Variants in L3MBTL4 observed in about 807,000 individuals in gnomAD.
The protein encoded by L3MBTL4 is L3MBTL histone methyl-lysine binding protein 4, also known as lethal(3)malignant brain tumor-like protein 4.
A neutral mutation model predicts 84.5 loss-of-function variants in L3MBTL4; 70 were observed. That is an observed-to-expected ratio of 0.83 (90% CI 0.68 to 1.01). L3MBTL4 has a LOEUF of 1.01. Among genes scored for constraint, L3MBTL4 ranks in the 50% least tolerant of loss-of-function variants. The pLI, the probability that L3MBTL4 is intolerant of heterozygous loss-of-function variation, is 0.00. For synonymous variants in L3MBTL4, 274 were observed against 259.8 expected, an observed-to-expected ratio of 1.05 and a Z score of -0.52; for missense variants, 715 against 754.8, an observed-to-expected ratio of 0.95 and a Z score of 0.62.
At chr18:6,315,651 TA>T (rs2051053794) in intron 1 of L3MBTL4, among the ~76,000 whole-genome samples, 2 of 152,174 alleles carry the variant, frequency 1.3e-5, no homozygotes, top group African/African-American at 4.8e-5. Flanking sequence ...TTTTTAACTA[TA>T]TTGCAAGTTT....
chr18:6,273,712 T>C (rs181499702), intron 4 of L3MBTL4, among the ~76,000 whole-genome samples: 2 of 152,296 alleles, frequency 1.3e-5, no homozygotes, highest in African/African-American at 4.8e-5. Context: ...CCAACTGGCC[T>C]GGGAGGCAAA....
chr18:6,007,923 CT>C (rs2054564771), intron 16 of L3MBTL4, among the ~76,000 whole-genome samples: 2 of 152,178 alleles, frequency 1.3e-5, no homozygotes, highest in African/African-American at 4.8e-5. Context: ...AGAAAATCTA[CT>C]AAGTTTGCTT....
intron 1 of L3MBTL4, among the ~76,000 whole-genome samples, chr18:6,339,118 A>T (rs1250389886): frequency 1.3e-5 from 2 of 152,170 alleles, no homozygotes; most frequent in African/African-American, 4.8e-5. Flanking sequence ...GCCGACCCAA[A>T]CATCATATCA....
chr18:6,140,751 A>G (rs545158220), intron 13 of L3MBTL4, among the ~76,000 whole-genome samples: 5 of 152,192 alleles, frequency 3.3e-5, no homozygotes, highest in African/African-American at 1.2e-4. Context: ...CAGTTTCTCC[A>G]TCATAAAAAC....
chr18:6,271,732 G>A (rs1599428770), intron 4 of L3MBTL4, among the ~76,000 whole-genome samples: 1 of 152,178 alleles, frequency 6.6e-6, no homozygotes, highest in African/African-American at 2.4e-5. Context: ...GCACCTGAGT[G>A]AGGTCGGGGA....
At chr18:6,129,672 G>C (rs1218524550) in intron 14 of L3MBTL4, among the ~76,000 whole-genome samples, 2 of 152,122 alleles carry the variant, frequency 1.3e-5, no homozygotes, top group African/African-American at 4.8e-5. Flanking sequence ...TTAAGTGCTA[G>C]AGTGATAGTT....
At chr18:6,163,510 T>A (rs893263643) in intron 13 of L3MBTL4, among the ~76,000 whole-genome samples, 24 of 151,738 alleles carry the variant, frequency 1.6e-4, no homozygotes, top group African/African-American at 5.8e-4. Flanking sequence ...AACAAACAAG[T>A]TTATAACAAA....
At chr18:6,370,611 A>G (rs1297758795) in intron 1 of L3MBTL4, among the ~76,000 whole-genome samples, 1 of 152,152 alleles carries the variant, frequency 6.6e-6, no homozygotes, top group Non-Finnish European at 1.5e-5. Context: ...CACACCCACT[A>G]CTGGTGGCCA....
intron 5 of L3MBTL4, among the ~76,000 whole-genome samples, chr18:6,250,025 T>C (rs999056109): frequency 2.6e-5 from 4 of 152,176 alleles, no homozygotes; most frequent in Non-Finnish European, 5.9e-5. Flanking sequence ...AAACGAAACC[T>C]GGCTAGAGGC....
intron 13 of L3MBTL4, among the ~76,000 whole-genome samples, chr18:6,164,332 G>A (rs977670148): frequency 2.0e-5 from 3 of 152,244 alleles, no homozygotes; most frequent in African/African-American, 7.2e-5. Flanking sequence ...GAAGAGAGTA[G>A]TGGTTCTCCC....
chr18:6,030,715 T>G, intron 16 of L3MBTL4: 1 of 975,382 alleles, frequency 1.0e-6, no homozygotes, highest in Non-Finnish European at 1.2e-6. Context: ...GTATTTAGTT[T>G]AATGCTATCT....
intron 13 of L3MBTL4, among the ~76,000 whole-genome samples, chr18:6,163,989 G>A (rs2043500685): frequency 6.6e-6 from 1 of 152,168 alleles, no homozygotes; most frequent in Non-Finnish European, 1.5e-5. Context: ...CACTAATACT[G>A]CACTTTTCCA....
At chr18:5,975,841 T>C (rs1482874348) in intron 16 of L3MBTL4, among the ~76,000 whole-genome samples, 2 of 152,246 alleles carry the variant, frequency 1.3e-5, no homozygotes, top group Non-Finnish European at 2.9e-5. Context: ...CCAAGTCATA[T>C]TGCTCCTCAG....
At chr18:6,345,215 C>CAAAAAAA (rs35502624) in intron 1 of L3MBTL4, among the ~76,000 whole-genome samples, 234 of 38,416 alleles carry the variant, frequency 6.1e-3, no homozygotes, top group Non-Finnish European at 8.1e-3. Flanking sequence ...TACTAAAATA[C>CAAAAAAA]AAAAAAAAAA....
chr18:6,050,019 C>T (rs988398620), intron 16 of L3MBTL4, among the ~76,000 whole-genome samples: 7 of 152,054 alleles, frequency 4.6e-5, no homozygotes, highest in African/African-American at 7.2e-5. Context: ...AAAATTCTAT[C>T]GCAAAACATA....
chr18:6,399,532 G>C (rs1568607535), intron 1 of L3MBTL4, among the ~76,000 whole-genome samples: 4 of 152,170 alleles, frequency 2.6e-5, no homozygotes, highest in Non-Finnish European at 5.9e-5. Flanking sequence ...GTAATTGTCA[G>C]CCATAACCAT....
chr18:6,258,529 G>A (rs1263369021), intron 5 of L3MBTL4: 2 of 152,394 alleles, frequency 1.3e-5, no homozygotes, highest in African/African-American at 2.4e-5. Flanking sequence ...TGTGAAGCCA[G>A]GAGGGAGACA....
chr18:6,062,065 C>T (rs1224032781), intron 16 of L3MBTL4, among the ~76,000 whole-genome samples: 2 of 151,872 alleles, frequency 1.3e-5, no homozygotes, highest in African/African-American at 4.8e-5. Context: ...CTTTATTTTT[C>T]CTTCTCTAAT....
At chr18:6,196,615 T>C (rs2045409057) in intron 12 of L3MBTL4, among the ~76,000 whole-genome samples, 1 of 152,232 alleles carries the variant, frequency 6.6e-6, no homozygotes, top group Non-Finnish European at 1.5e-5. Flanking sequence ...TGGGGCTATC[T>C]ATCCAAAAGA....
Sources: gnomAD v4.1 joint callset for allele counts (sites outside exome capture counted in the v4.1 genomes callset) on GRCh38, gnomAD v4.1.1 for gene constraint, MANE v1.5 for transcripts, NCBI Gene and HGNC (gene_info 2026-07-23, HGNC 2026-07-21) for gene names.